Variants in RALGPS2 observed in about 807,000 individuals in gnomAD.
RALGPS2 encodes the protein Ral GEF with PH domain and SH3 binding motif 2, also known as ras-specific guanine nucleotide-releasing factor RalGPS2.
In RALGPS2, 43 loss-of-function variants were observed where a neutral mutation model predicts 86.8. That is an observed-to-expected ratio of 0.50 (90% CI 0.39 to 0.64). RALGPS2 has a LOEUF of 0.64. Among genes scored for constraint, RALGPS2 ranks in the 30% least tolerant of loss-of-function variants. The pLI, the probability that RALGPS2 is intolerant of heterozygous loss-of-function variation, is 0.00. For synonymous variants in RALGPS2, 243 were observed against 231.3 expected, an observed-to-expected ratio of 1.05 and a Z score of -0.46; for missense variants, 536 against 694.6, an observed-to-expected ratio of 0.77 and a Z score of 2.57.
intron 4 of RALGPS2, among the ~76,000 whole-genome samples, chr1:178,799,232 G>C (rs188076577): frequency 7.9e-5 from 12 of 152,016 alleles, no homozygotes; most frequent in African/African-American, 2.9e-4. Flanking sequence ...GTAGAGATGG[G>C]GTTTCACCGT....
chr1:178,890,916 ATGT>A (rs1659689153), intron 14 of RALGPS2, among the ~76,000 whole-genome samples: 1 of 152,052 alleles, frequency 6.6e-6, no homozygotes, highest in Admixed American at 6.6e-5. Context: ...TGCCTTTGAC[ATGT>A]TGTCTGAATT....
intron 8 of RALGPS2, among the ~76,000 whole-genome samples, chr1:178,876,120 A>G (rs1208354119): frequency 1.3e-5 from 2 of 152,232 alleles, no homozygotes; most frequent in African/African-American, 2.4e-5. Flanking sequence ...TTAAGCACCT[A>G]TTGTCAAAAC....
At chr1:178,786,181 G>A (rs1398665155) in intron 4 of RALGPS2, among the ~76,000 whole-genome samples, 3 of 151,998 alleles carry the variant, frequency 2.0e-5, no homozygotes, top group Admixed American at 6.6e-5. Flanking sequence ...AAGAAAATCC[G>A]TGTATAAGTA....
At chr1:178,883,598 T>G (rs1659352581) in intron 11 of RALGPS2, 65 bp downstream of exon 11, 1 of 1,251,152 alleles carries the variant, frequency 8.0e-7, no homozygotes, top group African/African-American at 1.5e-5. Context: ...AAGAATATAC[T>G]CCAAAGTAAA....
At chr1:178,896,625 C>T (rs1659955427) in intron 16 of RALGPS2, among the ~76,000 whole-genome samples, 1 of 147,608 alleles carries the variant, frequency 6.8e-6, no homozygotes, top group Non-Finnish European at 1.5e-5. Context: ...CCCGACCCCA[C>T]AACAGTCCCC....
intron 10 of RALGPS2, among the ~76,000 whole-genome samples, chr1:178,882,943 TTAA>T (rs1446860083): frequency 6.6e-6 from 1 of 152,162 alleles, no homozygotes; most frequent in Non-Finnish European, 1.5e-5. Flanking sequence ...CATAATATAT[TTAA>T]TAATACATAT....
chr1:178,784,676 A>G (rs1169294153), intron 3 of RALGPS2, among the ~76,000 whole-genome samples, 154 bp downstream of exon 3: 2 of 152,088 alleles, frequency 1.3e-5, no homozygotes, highest in Non-Finnish European at 2.9e-5. Flanking sequence ...GAGCAAACAG[A>G]GGGATGAAGT....
At chr1:178,867,180 T>G (rs1385583736) in intron 8 of RALGPS2, among the ~76,000 whole-genome samples, 1 of 152,128 alleles carries the variant, frequency 6.6e-6, no homozygotes, top group African/African-American at 2.4e-5. Flanking sequence ...TAATTAATAT[T>G]TATTGAGTGC....
chr1:178,912,129 CA>C (rs1660652754), intron 19 of RALGPS2, among the ~76,000 whole-genome samples: 1 of 152,170 alleles, frequency 6.6e-6, no homozygotes, highest in Non-Finnish European at 1.5e-5. Flanking sequence ...AGATAGCAGA[CA>C]GTTGGGTCTT....
At chr1:178,823,445 G>T (rs1655604439) in intron 7 of RALGPS2, among the ~76,000 whole-genome samples, 1 of 137,598 alleles carries the variant, frequency 7.3e-6, no homozygotes, top group Non-Finnish European at 1.5e-5. Context: ...AGCAATAAAT[G>T]CTCTGAAGAA....
intron 1 of RALGPS2, among the ~76,000 whole-genome samples, chr1:178,729,330 C>T (rs1650206036): frequency 6.6e-6 from 1 of 152,066 alleles, no homozygotes; most frequent in African/African-American, 2.4e-5. Context: ...AGTTTATTAT[C>T]TGCCTCCCTC....
chr1:178,767,058 A>G (rs528134965), intron 1 of RALGPS2, among the ~76,000 whole-genome samples: 41 of 152,232 alleles, frequency 2.7e-4, no homozygotes, highest in African/African-American at 9.4e-4. Flanking sequence ...CAGTTCCTTC[A>G]GCTTAGTTTG....
At chr1:178,753,597 C>T (rs2102049443) in intron 1 of RALGPS2, 1 of 152,204 alleles carries the variant, frequency 6.6e-6, no homozygotes, top group South Asian at 2.1e-4. Flanking sequence ...AACAGTTGTA[C>T]TTTTTCTTTT....
rs897462736 is a variant in RALGPS2 at position 178,847,452 on chromosome 1, G to GA, written c.607+13913dup. ...CAAGAGCAAAACTCTGTCTCAAAAA[G>GA]AAAAAAAAAAACTGAAAAGTGAGCT... On this transcript the variant is annotated intron_variant, in intron 8 of 19. Coordinates refer to ENST00000367635, the MANE Select transcript of RALGPS2 (RefSeq NM_152663.5). Among the ~76,000 whole-genome samples the GA allele has an allele frequency of 1.1e-3, 160 of 141,928 alleles. 1 individual carries two copies. The highest frequency in any genetic ancestry group is 1.4e-3 in the East Asian group (7 of 4,986). The allele number at this position is 141,928 out of a possible 152,430, so 93.1% of individuals were successfully genotyped here.
Position 178,919,665 on chromosome 1 carries a change from C to A in RALGPS2, c.*3306C>A, listed in dbSNP as rs571095938. ...AACTGTATACCTTTACTACTGAAAA[C>A]AAAACTATAGGGCATCATACTAATT... On this transcript the variant is annotated 3_prime_UTR_variant, in exon 20 of 20. Transcript: ENST00000367635. The A allele has an allele frequency of 6.6e-6, 1 of 151,924 alleles. No homozygotes were observed. Among genetic ancestry groups the A allele is most frequent in the Non-Finnish European group, 1.5e-5 (1 of 67,862 alleles). The allele number at this position is 151,924 out of a possible 1,614,324, so 9.4% of individuals were successfully genotyped here.
Position 178,877,770 on chromosome 1 carries a change from A to C in RALGPS2, c.745+135A>C, listed in dbSNP as rs1659063486. 31 of 1,150,516 alleles carry C rather than the reference A, an allele frequency of 2.7e-5. 1 individual carries two copies. The highest frequency in any genetic ancestry group is 3.5e-5 in the Non-Finnish European group (29 of 825,344). 71.3% of individuals were successfully genotyped at this position (1,150,516 alleles called of 1,614,324 possible). A position where few individuals can be genotyped will look rare whatever the true frequency, so the allele number is the denominator to read the frequency against. On this transcript the variant is annotated intron_variant, in intron 9 of 19. Coordinates refer to ENST00000367635, the MANE Select transcript of RALGPS2 (RefSeq NM_152663.5). ...TTCCATTCTAATGTAAAGGAAAATA[A>C]TGCTTGTTTTATTTTGCCATTTACT...
At chr1:178,884,958 C>T in intron 11 of RALGPS2, 118 bp from the exon 12 acceptor site, 1 of 983,842 alleles carries the variant, frequency 1.0e-6, no homozygotes, top group Non-Finnish European at 1.4e-6. Context: ...ATCTTCAAGC[C>T]AATTAAATAG....
intron 4 of RALGPS2, 32 bp from the exon 5 acceptor site, chr1:178,808,013 A>G: frequency 7.3e-7 from 1 of 1,369,388 alleles, no homozygotes; most frequent in Non-Finnish European, 1.0e-6. Flanking sequence ...CTAGGCTATT[A>G]CTTAAATTTA....
chr1:178,865,759 C>T, intron 8 of RALGPS2: 1 of 1,600,160 alleles, frequency 6.2e-7, no homozygotes, highest in South Asian at 1.1e-5. Flanking sequence ...CACCTAGGGT[C>T]CAGGTAAAAG....
Sources: allele counts gnomAD v4.1 joint callset (sites outside exome capture counted in the v4.1 genomes callset), GRCh38; gene constraint gnomAD v4.1.1; transcripts MANE v1.5; gene names NCBI Gene and HGNC (gene_info 2026-07-23, HGNC 2026-07-21).